The following LRATD2 variants were observed in gnomAD, a reference collection of about 807,000 sequenced individuals.
LRATD2 encodes protein LRATD2.
LRATD2 carries 10 observed loss-of-function variants against 12.0 expected under a neutral mutation model. The ratio of observed to expected loss-of-function variants is 0.83; its 90% CI spans 0.51 to 1.41. The LOEUF is 1.41. Among genes scored for constraint, LRATD2 ranks in the 40% most tolerant of loss-of-function variants. The pLI, the probability that LRATD2 is intolerant of heterozygous loss-of-function variation, is 0.00. For missense variants in LRATD2, 455 were observed against 446.1 expected (o/e 1.02, Z -0.18); for synonymous variants, 220 against 205.8 (o/e 1.07, Z -0.59).
Position 126,556,922 on chromosome 8 carries a change from A to G in LRATD2, c.468T>C (p.Thr156=), listed in dbSNP as rs746857649. ...HRLEVINSFL[T]DASQGRRGRV... The stretch of plus-strand genomic sequence containing the variant: ...GGCCGCGACGGCCCTGGCTGGCGTC[A>G]GTCAGGAAGCTGTTAATCACCTCCA... The change falls in exon 2 of 2, where the codon ACT becomes ACC. Residue 156 remains threonine (T), a synonymous_variant. Transcript: ENST00000304916. The surrounding 1 kb of genome is among the most constrained non-coding windows in gnomAD (Gnocchi z 5.6). The G allele has an allele frequency of 6.2e-7, 1 of 1,609,882 alleles. No individual in the cohort carries two copies. The highest frequency in any genetic ancestry group is 8.5e-7 in the Non-Finnish European group (1 of 1,179,956).
Position 126,556,849 on chromosome 8 carries a change from C to G in LRATD2, c.541G>C (p.Val181Leu). The G allele has an allele frequency of 6.2e-7, 1 of 1,606,156 alleles. No individual in the cohort carries two copies. Among genetic ancestry groups the G allele is most frequent in the East Asian group, 2.2e-5 (1 of 44,832 alleles). Reference protein sequence around the residue: ...YRYKPLSSSAVVRNALAHVGA... With the variant: ...YRYKPLSSSALVRNALAHVGA... ...ACGTGCGCCAGCGCGTTGCGCACCA[C>G]GGCGCTGGAGCTTAGCGGCTTGTAG... Residue 181 changes from valine (V) to leucine (L), a missense_variant, in exon 2 of 2, where the codon GTG (valine) becomes CTG (leucine). Val to Leu is a conservative substitution (Grantham distance 32). Coordinates refer to ENST00000304916, the MANE Select transcript of LRATD2 (RefSeq NM_174911.5). This position sits in a 1 kb window ranked among gnomAD's most constrained non-coding sequence, Gnocchi z 5.6.
rs760250251 is a variant in LRATD2, at chr8:126,556,494, C to A, written c.896G>T (p.Ser299Ile). 2 of 1,588,900 alleles carry A rather than the reference C, an allele frequency of 1.3e-6. No individual in the cohort carries two copies. The highest frequency in any genetic ancestry group is 1.7e-6 in the Non-Finnish European group (2 of 1,169,874). ...TPPPGRPPAPSSEEEDGEAVA... is the reference protein window; with the variant it reads ...TPPPGRPPAPISEEEDGEAVA... ...TGCCTCTCCGTCCTCCTCCTCGGAG[C>A]TGGGCGCAGGGGGGCGCCCGGGAGG... Residue 299 changes from serine to isoleucine, a missense_variant, in exon 2 of 2, where the codon AGC (serine) becomes ATC (isoleucine). Ser to Ile is a moderately radical substitution (Grantham distance 142). Transcript: ENST00000304916. This position sits in a 1 kb window ranked among gnomAD's most constrained non-coding sequence, Gnocchi z 5.6.
At position 126,557,545 on chromosome 8, in the gene LRATD2, G is replaced by C; in HGVS notation, c.-96-60C>G. On this transcript the variant is annotated intron_variant, in intron 1 of 1. Coordinates refer to ENST00000304916, the MANE Select transcript of LRATD2 (RefSeq NM_174911.5). The surrounding 1 kb of genome is among the most constrained non-coding windows in gnomAD (Gnocchi z 5.3). ...AGCCCCTCCGTGAAAAGGGCGTTTT[G>C]TTCCGAAAAAGAATCGGTGGGGGCT... 2.5e-6 allele frequency: 2 copies of C among 811,008 alleles called. No individual in the cohort carries two copies. Among genetic ancestry groups the C allele is most frequent in the Non-Finnish European group, 3.8e-6 (2 of 519,600 alleles). 50.2% of individuals were successfully genotyped at this position (811,008 alleles called of 1,614,324 possible).
At position 126,556,406 on chromosome 8, in the gene LRATD2, G is replaced by T. The variant is rs772826880; in HGVS notation, c.*51C>A. 2.0e-6 allele frequency: 3 copies of T among 1,484,116 alleles called. No homozygotes were observed. The South Asian group carries it at 4.0e-5, about 20-fold the overall frequency. The allele number at this position is 1,484,116 out of a possible 1,614,324, so 91.9% of individuals were successfully genotyped here. A position where few individuals can be genotyped will look rare whatever the true frequency, so the allele number is the denominator to read the frequency against. On this transcript the variant is annotated 3_prime_UTR_variant, in exon 2 of 2. Transcript: ENST00000304916. The surrounding 1 kb of genome is among the most constrained non-coding windows in gnomAD (Gnocchi z 5.6). ...GGAAGAGAGGGAGAAAGGGAGCAGC[G>T]GCTGCTACTGCAAACAGTTCCCCTT...
rs1041474658 is a variant in LRATD2 at position 126,556,240 on chromosome 8, C to G, written c.*217G>C. The G allele has an allele frequency of 3.6e-6, 2 of 548,122 alleles. No individual in the cohort carries two copies. The highest frequency in any genetic ancestry group is 3.0e-5 in the South Asian group (1 of 33,666). The allele number at this position is 548,122 out of a possible 1,614,324, so 34.0% of individuals were successfully genotyped here. The stretch of plus-strand genomic sequence containing the variant: ...CAGGGGGCCAGAGGGAGACGCCCCC[C>G]ACCCCCAACTAAAGTGTTTCCTACC... On this transcript the variant is annotated 3_prime_UTR_variant, in exon 2 of 2. Transcript: ENST00000304916. The surrounding 1 kb of genome is among the most constrained non-coding windows in gnomAD (Gnocchi z 5.6).
In LRATD2 at chr8:126,553,028, A is replaced by G. The variant is rs16901511; in HGVS notation, c.*3429T>C. 2,063 of 152,696 alleles carry G rather than the reference A, an allele frequency of 0.014. 142 individuals carry two copies. The highest frequency in any genetic ancestry group is 0.11 in the Admixed American group (1,706 of 15,300). The allele number at this position is 152,696 out of a possible 1,614,324, so 9.5% of individuals were successfully genotyped here. A position where few individuals can be genotyped will look rare whatever the true frequency, so the allele number is the denominator to read the frequency against. ...TTAAATTGTCTTAGCTCTCCATAGC[A>G]TACGTTATATAAAATTAAAGTTTTG... On this transcript the variant is annotated 3_prime_UTR_variant, in exon 2 of 2. Coordinates refer to ENST00000304916, the MANE Select transcript of LRATD2 (RefSeq NM_174911.5).
rs1229089218 is a variant in LRATD2, at chr8:126,557,140, A to G, written c.250T>C (p.Ser84Pro). 1.2e-6 allele frequency: 2 copies of G among 1,612,348 alleles called. No homozygotes were observed. Among genetic ancestry groups the G allele is most frequent in the Admixed American group, 3.3e-5 (2 of 60,000 alleles). ...YDPRLHEVEC[S>P]VFYRDECIYQ... Reference sequence around the variant, plus strand: ...ATGCATTCGTCCCGGTAGAACACGGAGCATTCCACCTCGTGCAGCCGCGGA... The same window carrying G: ...ATGCATTCGTCCCGGTAGAACACGGGGCATTCCACCTCGTGCAGCCGCGGA... Residue 84 changes from serine (S) to proline (P), a missense_variant, in exon 2 of 2, where the codon TCC becomes CCC. By Grantham distance (74) the Ser-to-Pro change is moderately conservative. Coordinates refer to ENST00000304916, the MANE Select transcript of LRATD2 (RefSeq NM_174911.5). The surrounding 1 kb of genome is among the most constrained non-coding windows in gnomAD (Gnocchi z 5.3).
In LRATD2 at chr8:126,557,181, T is replaced by A. The variant is rs761090983; in HGVS notation, c.209A>T (p.Gln70Leu). The part of the protein sequence containing the change: ...PDGGDGPPPP[Q>L]PQPYDPRLHE... ...CAGCCGCGGATCGTAGGGCTGCGGC[T>A]GGGGCGGCGGCGGCCCGTCCCCACC... is the stretch of plus-strand genomic sequence containing the variant. The change falls in exon 2 of 2, where the codon CAG becomes CTG. Residue 70 changes from glutamine (Q) to leucine (L), a missense_variant. Transcript: ENST00000304916. This position sits in a 1 kb window ranked among gnomAD's most constrained non-coding sequence, Gnocchi z 5.3. The A allele has an allele frequency of 6.2e-7, 1 of 1,606,908 alleles. No homozygotes were observed. Among genetic ancestry groups the A allele is most frequent in the Non-Finnish European group, 8.5e-7 (1 of 1,177,282 alleles).
At position 126,556,450 on chromosome 8, in the gene LRATD2, T is replaced by A. The variant is rs752454857; in HGVS notation, c.*7A>T. 1 of 1,555,610 alleles carries A rather than the reference T, an allele frequency of 6.4e-7. No homozygotes were observed. Among genetic ancestry groups the A allele is most frequent in the Non-Finnish European group, 8.6e-7 (1 of 1,156,860 alleles). ...TCCCCTTCGCAGCTCTGCGCTCAGC[T>A]CGCCCATCAGTGTGCCACTGCCTCT... On this transcript the variant is annotated 3_prime_UTR_variant, in exon 2 of 2. Transcript: ENST00000304916. This position sits in a 1 kb window ranked among gnomAD's most constrained non-coding sequence, Gnocchi z 5.6.
rs577841840 is a variant in LRATD2, at chr8:126,554,386, T to C, written c.*2071A>G. 7.9e-5 allele frequency: 12 copies of C among 152,354 alleles called. No homozygotes were observed. Among genetic ancestry groups the C allele is most frequent in the African/African-American group, 2.9e-4 (12 of 41,580 alleles). 9.4% of individuals were successfully genotyped at this position (152,354 alleles called of 1,614,324 possible). ...ATACAGCAGGTTCTCCTAAATGTCT[T>C]AACCCATGTTTATCTTGTTCTGCTA... On this transcript the variant is annotated 3_prime_UTR_variant, in exon 2 of 2. Coordinates refer to ENST00000304916, the MANE Select transcript of LRATD2 (RefSeq NM_174911.5).
Position 126,552,839 on chromosome 8 carries a change from A to G in LRATD2, c.*3618T>C, listed in dbSNP as rs554714906. On this transcript the variant is annotated 3_prime_UTR_variant, in exon 2 of 2. Transcript: ENST00000304916. The stretch of plus-strand genomic sequence containing the variant: ...CTCTGATTTAAAAAACATTTCACAA[A>G]TAAGATGTAGCTTTCCAAACAAATC... The G allele has an allele frequency of 2.6e-5, 4 of 152,680 alleles. No individual in the cohort carries two copies. The highest frequency in any genetic ancestry group is 5.9e-5 in the Non-Finnish European group (4 of 68,046). 9.5% of individuals were successfully genotyped at this position (152,680 alleles called of 1,614,324 possible).
Position 126,555,311 on chromosome 8 carries a change from AAGTGAGGGTGAGAGGGATGGGCC to A in LRATD2, c.*1123_*1145del, listed in dbSNP as rs1404151421. On this transcript the variant is annotated 3_prime_UTR_variant, in exon 2 of 2. Transcript: ENST00000304916. ...AAGATTTTACCCACCAGCAGAACAA[AAGTGAGGGTGAGAGGGATGGGCC>A]AGTGAGGGGATGGGGGAGAAAAAAA... 1 of 152,162 alleles carries A rather than the reference AAGTGAGGGTGAGAGGGATGGGCC, an allele frequency of 6.6e-6. No homozygotes were observed. The highest frequency in any genetic ancestry group is 1.5e-5 in the Non-Finnish European group (1 of 68,038). The allele number at this position is 152,162 out of a possible 1,614,324, so 9.4% of individuals were successfully genotyped here.
At position 126,553,034 on chromosome 8, in the gene LRATD2, T is replaced by A. The variant is rs1817313304; in HGVS notation, c.*3423A>T. On this transcript the variant is annotated 3_prime_UTR_variant, in exon 2 of 2. Coordinates refer to ENST00000304916, the MANE Select transcript of LRATD2 (RefSeq NM_174911.5). ...TGTCTTAGCTCTCCATAGCATACGTTATATAAAATTAAAGTTTTGCTTCCA... is the reference window on the plus strand; with the variant it reads ...TGTCTTAGCTCTCCATAGCATACGTAATATAAAATTAAAGTTTTGCTTCCA... 1 of 152,540 alleles carries A rather than the reference T, an allele frequency of 6.6e-6. No homozygotes were observed. Among genetic ancestry groups the A allele is most frequent in the Non-Finnish European group, 1.5e-5 (1 of 68,044 alleles). The allele number at this position is 152,540 out of a possible 1,614,324, so 9.4% of individuals were successfully genotyped here.
rs1275939511 is a variant in LRATD2 at position 126,553,950 on chromosome 8, TG to T, written c.*2506del. 1 of 152,228 alleles carries T rather than the reference TG, an allele frequency of 6.6e-6. No homozygotes were observed. The highest frequency in any genetic ancestry group is 1.9e-4 in the East Asian group (1 of 5,192). The allele number at this position is 152,228 out of a possible 1,614,324, so 9.4% of individuals were successfully genotyped here. A position where few individuals can be genotyped will look rare whatever the true frequency, so the allele number is the denominator to read the frequency against. On this transcript the variant is annotated 3_prime_UTR_variant, in exon 2 of 2. Transcript: ENST00000304916. ...TTCTGGGACAGAGGAAGAAGACGGG[TG>T]GGGGAGTTGATCTGGCTAGCCCAGA...
In LRATD2 at chr8:126,557,630, C is replaced by G; in HGVS notation, c.-96-145G>C. Reference sequence around the variant, plus strand: ...GTGTAGCGAGCTTTCCCTCGTTTCTCCACCTGTAAGGTCACGGTCACAGGA... The same window carrying G: ...GTGTAGCGAGCTTTCCCTCGTTTCTGCACCTGTAAGGTCACGGTCACAGGA... On this transcript the variant is annotated intron_variant, in intron 1 of 1. Transcript: ENST00000304916. The surrounding 1 kb of genome is among the most constrained non-coding windows in gnomAD (Gnocchi z 5.3). The G allele has an allele frequency of 1.8e-6, 1 of 559,080 alleles. No individual in the cohort carries two copies. Among genetic ancestry groups the G allele is most frequent in the Non-Finnish European group, 3.1e-6 (1 of 319,062 alleles). The allele number at this position is 559,080 out of a possible 1,614,324, so 34.6% of individuals were successfully genotyped here.
chr8:126,557,266 C>A lies in LRATD2; in HGVS notation c.124G>T (p.Asp42Tyr). Residue 42 changes from aspartate (D) to tyrosine (Y), a missense_variant, in exon 2 of 2, where the codon GAT becomes TAT. Coordinates refer to ENST00000304916, the MANE Select transcript of LRATD2 (RefSeq NM_174911.5). This position sits in a 1 kb window ranked among gnomAD's most constrained non-coding sequence, Gnocchi z 5.3. ...IGVSYIFSND[D>Y]EDVEPQPPPQ... ...GGCGGCTGCGGCTCCACGTCCTCAT[C>A]GTCATTGGAGAAAATGTAGGAGACC... 1 of 1,611,138 alleles carries A rather than the reference C, an allele frequency of 6.2e-7. No homozygotes were observed. Among genetic ancestry groups the A allele is most frequent in the African/African-American group, 1.3e-5 (1 of 75,006 alleles).
In LRATD2 at chr8:126,553,038, T is replaced by C. The variant is rs1327460100; in HGVS notation, c.*3419A>G. On this transcript the variant is annotated 3_prime_UTR_variant, in exon 2 of 2. Coordinates refer to ENST00000304916, the MANE Select transcript of LRATD2 (RefSeq NM_174911.5). ...TTAGCTCTCCATAGCATACGTTATATAAAATTAAAGTTTTGCTTCCAAAAA... is the reference window on the plus strand; with the variant it reads ...TTAGCTCTCCATAGCATACGTTATACAAAATTAAAGTTTTGCTTCCAAAAA... 1.3e-5 allele frequency: 2 copies of C among 152,558 alleles called. No individual in the cohort carries two copies. Among genetic ancestry groups the C allele is most frequent in the Non-Finnish European group, 2.9e-5 (2 of 68,046 alleles). The allele number at this position is 152,558 out of a possible 1,614,324, so 9.5% of individuals were successfully genotyped here.
At position 126,556,985 on chromosome 8, in the gene LRATD2, T is replaced by C. The variant is rs202104504; in HGVS notation, c.405A>G (p.Val135=). The part of the protein sequence containing the change: ...VSQAQYPHWA[V]YVGNFQVVHL... Reference sequence around the variant, plus strand: ...GCACCACCTGGAAGTTACCCACATATACGGCCCAGTGCGGGTACTGAGCCT... The same window carrying C: ...GCACCACCTGGAAGTTACCCACATACACGGCCCAGTGCGGGTACTGAGCCT... The change falls in exon 2 of 2, where the codon GTA becomes GTG. Residue 135 remains valine (V), a synonymous_variant. Transcript: ENST00000304916. This position sits in a 1 kb window ranked among gnomAD's most constrained non-coding sequence, Gnocchi z 5.6. 350 of 1,608,500 alleles carry C rather than the reference T, an allele frequency of 2.2e-4. 1 individual carries two copies. In the East Asian group the frequency reaches 7.2e-3, roughly 33 times the overall value.
Position 126,557,145 on chromosome 8 carries a change from T to C in LRATD2, c.245A>G (p.Glu82Gly). Reference sequence around the variant, plus strand: ...TTCGTCCCGGTAGAACACGGAGCATTCCACCTCGTGCAGCCGCGGATCGTA... The same window carrying C: ...TTCGTCCCGGTAGAACACGGAGCATCCCACCTCGTGCAGCCGCGGATCGTA... The part of the protein sequence containing the change: ...QPYDPRLHEV[E>G]CSVFYRDECI... Residue 82 changes from glutamate to glycine, a missense_variant, in exon 2 of 2, where the codon GAA becomes GGA. Physicochemically the swap from Glu to Gly is moderately conservative, Grantham distance 98. Transcript: ENST00000304916. The surrounding 1 kb of genome is among the most constrained non-coding windows in gnomAD (Gnocchi z 5.3). 6.2e-7 allele frequency: 1 copy of C among 1,612,422 alleles called. No homozygotes were observed. The highest frequency in any genetic ancestry group is 8.5e-7 in the Non-Finnish European group (1 of 1,179,848).
Sources: gnomAD v4.1 joint callset for allele counts on GRCh38, gnomAD v4.1.1 for gene constraint, Gnocchi (gnomAD v3.1) non-coding constraint, MANE v1.5 for transcripts, NCBI Gene and HGNC (gene_info 2026-07-23, HGNC 2026-07-21) for gene names.